The following RIMS2 variants were observed in gnomAD, a reference collection of about 807,000 sequenced individuals.
RIMS2 encodes regulating synaptic membrane exocytosis protein 2.
In RIMS2, 59 loss-of-function variants were observed where a neutral mutation model predicts 174.4. The ratio of observed to expected loss-of-function variants is 0.34; its 90% CI spans 0.27 to 0.42. The LOEUF is 0.42. RIMS2 is among the 10% of genes least tolerant of loss of function. The pLI, the probability that RIMS2 is intolerant of heterozygous loss-of-function variation, is 1.00. For missense variants in RIMS2, 1,620 were observed against 1,666.3 expected (o/e 0.97, Z 0.48); for synonymous variants, 606 against 572.5 (o/e 1.06, Z -0.84).
At chr8:103,866,925 A>G (rs539875610) in intron 3 of RIMS2, among the ~76,000 whole-genome samples, 12 of 152,070 alleles carry the variant, frequency 7.9e-5, no homozygotes, top group African/African-American at 2.9e-4. Context: ...AGCTAGGTTC[A>G]TATAGGATGA....
At chr8:104,200,817 G>A (rs2099050917) in intron 19 of RIMS2, among the ~76,000 whole-genome samples, 1 of 152,178 alleles carries the variant, frequency 6.6e-6, no homozygotes, top group Non-Finnish European at 1.5e-5. Context: ...GAGTGGCTGA[G>A]GCGGGAAGAT....
At chr8:103,655,714 A>G (rs2096522219) in intron 1 of RIMS2, among the ~76,000 whole-genome samples, 1 of 152,080 alleles carries the variant, frequency 6.6e-6, no homozygotes, top group Non-Finnish European at 1.5e-5. Flanking sequence ...GGAACATGAT[A>G]TGTGAGAGTC....
chr8:103,518,959 T>C (rs986297248), intron 1 of RIMS2, among the ~76,000 whole-genome samples: 6 of 152,178 alleles, frequency 3.9e-5, no homozygotes, highest in Non-Finnish European at 7.4e-5. Context: ...AAGAATCTTT[T>C]TAGGCTTTCT....
At chr8:103,886,220 A>G (rs1594562949) in exon 4 of RIMS2, 2 of 1,605,258 alleles carry the variant, frequency 1.2e-6, no homozygotes, top group East Asian at 2.2e-5. Context: ...TGTAAGTGAA[A>G]AAGGTAAGCT....
intron 4 of RIMS2, among the ~76,000 whole-genome samples, chr8:103,901,868 C>T (rs1456289288): frequency 6.6e-6 from 1 of 152,172 alleles, no homozygotes; most frequent in Non-Finnish European, 1.5e-5. Context: ...GATCTACTGA[C>T]ATTTTGGTTT....
intron 3 of RIMS2, among the ~76,000 whole-genome samples, chr8:103,833,471 C>T (rs1185088784): frequency 1.3e-5 from 2 of 151,920 alleles, no homozygotes; most frequent in African/African-American, 4.8e-5. Flanking sequence ...AGCATTTATT[C>T]TACCCTATTT....
At chr8:104,253,605 T>C (rs2099363748), downstream of RIMS2, 1 of 152,176 alleles carries the variant, frequency 6.6e-6, no homozygotes. Flanking sequence ...TACCATTGGG[T>C]GGAGCTGCAA....
intron 1 of RIMS2, among the ~76,000 whole-genome samples, chr8:103,638,393 T>C (rs1372256581): frequency 6.6e-6 from 1 of 152,046 alleles, no homozygotes; most frequent in Non-Finnish European, 1.5e-5. Flanking sequence ...AATGATGACT[T>C]TCTATTTTCT....
At chr8:103,781,033 G>T (rs1448904788) in intron 3 of RIMS2, among the ~76,000 whole-genome samples, 2 of 152,118 alleles carry the variant, frequency 1.3e-5, no homozygotes, top group Non-Finnish European at 2.9e-5. Context: ...AAGTCCAAAG[G>T]GGATATTCTG....
intron 2 of RIMS2, among the ~76,000 whole-genome samples, chr8:103,749,586 T>C (rs932342129): frequency 2.6e-5 from 4 of 152,152 alleles, no homozygotes; most frequent in African/African-American, 9.7e-5. Context: ...TGTTCTCATG[T>C]TGTTATGAAG....
In RIMS2 at chr8:104,166,129, T is replaced by C. The variant is rs936424977; in HGVS notation, c.3335-78787T>C. ...TCGCCCAGGCTGGAGTGCAGTGGCG[T>C]GATCTCGGCTCACTGCAAGCTCCGC... is the stretch of plus-strand genomic sequence containing the variant. On this transcript the variant is annotated intron_variant, in intron 19 of 23. Transcript: ENST00000504942. Among the ~76,000 whole-genome samples, 11 of 146,742 alleles carry C rather than the reference T, an allele frequency of 7.5e-5. No homozygotes were observed. In the South Asian group the frequency reaches 8.9e-4, roughly 12 times the overall value.
chr8:104,008,966 A>G (rs1597046729), intron 17 of RIMS2, among the ~76,000 whole-genome samples: 1 of 152,060 alleles, frequency 6.6e-6, no homozygotes, highest in South Asian at 2.1e-4. Context: ...CTTATTTACC[A>G]TGATTTCTAT....
chr8:104,053,174 TA>T (rs948103191), intron 19 of RIMS2, among the ~76,000 whole-genome samples: 8 of 152,162 alleles, frequency 5.3e-5, no homozygotes, highest in African/African-American at 1.9e-4. Flanking sequence ...CACCACAAAT[TA>T]AGTAGAGGGA....
At chr8:103,927,934 C>T (rs745598441) in intron 11 of RIMS2, 24 of 1,544,000 alleles carry the variant, frequency 1.6e-5, no homozygotes, top group Non-Finnish European at 1.9e-5. Context: ...TGTGTTTAAC[C>T]CTATTTGTAT....
chr8:103,834,680 C>CTTCCTTTCTT (rs1564828259), intron 3 of RIMS2, among the ~76,000 whole-genome samples: 5 of 39,698 alleles, frequency 1.3e-4, no homozygotes, highest in Non-Finnish European at 4.4e-5. Flanking sequence ...AGGTCTTTTT[C>CTTCCTTTCTT]TTTCTTTCTT....
intron 8 of RIMS2, 120 bp from the exon 12 acceptor site, chr8:103,918,321 T>A (rs2076983509): frequency 3.5e-6 from 2 of 572,102 alleles, no homozygotes; most frequent in East Asian, 5.6e-5. Flanking sequence ...AATGCCACTA[T>A]TATACACAGT....
chr8:103,655,238 A>C (rs1217123661), intron 1 of RIMS2, among the ~76,000 whole-genome samples: 2 of 151,966 alleles, frequency 1.3e-5, no homozygotes, highest in African/African-American at 4.8e-5. Context: ...TAAATTAAAT[A>C]ATTTTAATAT....
At chr8:104,026,157 G>A (rs1289238807) in intron 19 of RIMS2, among the ~76,000 whole-genome samples, 1 of 152,124 alleles carries the variant, frequency 6.6e-6, no homozygotes, top group Admixed American at 6.6e-5. Flanking sequence ...AACAATACCA[G>A]GGTGGAAATA....
chr8:104,015,308 T>C, intron 19 of RIMS2: 1 of 515,500 alleles, frequency 1.9e-6, no homozygotes, highest in Non-Finnish European at 3.4e-6. Context: ...TTTTCTCTAG[T>C]AGATAATACA....
Sources: allele counts gnomAD v4.1 joint callset (sites outside exome capture counted in the v4.1 genomes callset), GRCh38; gene constraint gnomAD v4.1.1; transcripts MANE v1.5; gene names NCBI Gene and HGNC (gene_info 2026-07-23, HGNC 2026-07-21).